Variants in ELP1 observed in about 807,000 individuals in gnomAD.
ELP1 encodes elongator complex protein 1.
A neutral mutation model predicts 183.2 loss-of-function variants in ELP1; 131 were observed. The ratio of observed to expected loss-of-function variants is 0.72; its 90% CI spans 0.62 to 0.83. The LOEUF (loss-of-function observed/expected upper bound fraction) is 0.83. Ranked by LOEUF, ELP1 falls within the 40% of genes least tolerant of loss-of-function variation. ELP1 has a pLI of 0.00. For synonymous variants in ELP1, 555 were observed against 569.0 expected, an observed-to-expected ratio of 0.98 and a Z score of 0.35; for missense variants, 1,550 against 1,594.9, an observed-to-expected ratio of 0.97 and a Z score of 0.48.
chr9:108,872,804 GAAAAAAAAAAAAAAAAAA>G (rs58139943), intron 36 of ELP1, among the ~76,000 whole-genome samples: 29,697 of 84,012 alleles, frequency 0.35, 4,610 homozygotes, highest in Admixed American at 0.43. Context: ...GACTCTGTCT[GAAAAAAAAAAAAAAAAAA>G]AAAAAAAAAA....
At position 108,919,260 on chromosome 9, in the gene ELP1, T is replaced by C; in HGVS notation, c.642A>G (p.Pro214=). The C allele has an allele frequency of 6.2e-7, 1 of 1,611,430 alleles. No individual in the cohort carries two copies. The highest frequency in any genetic ancestry group is 8.5e-7 in the Non-Finnish European group (1 of 1,177,638). Residue 214 remains proline (P), a synonymous_variant, in exon 7 of 37, where the codon CCA becomes CCG. Coordinates refer to ENST00000374647, the MANE Select transcript of ELP1 (RefSeq NM_003640.5). ...GQFFAVSVVC[P]ETGARKVRVW... ...TGCAATATATTTCCATACCTGTTTCTGGGCAAACAACACTCACAGCAAAAA... is the reference window on the plus strand; with the variant it reads ...TGCAATATATTTCCATACCTGTTTCCGGGCAAACAACACTCACAGCAAAAA...
chr9:108,912,953 G>A (rs993185271), intron 10 of ELP1, among the ~76,000 whole-genome samples: 12 of 150,904 alleles, frequency 8.0e-5, no homozygotes, highest in Admixed American at 7.3e-4. Flanking sequence ...GTAGAAACAT[G>A]GTTTCACCGT....
chr9:108,882,222 G>T (rs1220316599), intron 29 of ELP1, 35 bp from the exon 30 acceptor site: 42 of 1,592,226 alleles, frequency 2.6e-5, no homozygotes, highest in African/African-American at 4.0e-5. Context: ...AACAAGTGAA[G>T]AGAGCATGTC....
chr9:108,930,889 G>T lies in ELP1; in HGVS notation c.150+108C>A, dbSNP rs1315416967. On this transcript the variant is annotated intron_variant, in intron 2 of 36. Coordinates refer to ENST00000374647, the MANE Select transcript of ELP1 (RefSeq NM_003640.5). Reference sequence around the variant, plus strand: ...GAAGCAAAAGATGTTTATTTGGGAGGATATAAATTCAATAAGATATAAAGA... The same window carrying T: ...GAAGCAAAAGATGTTTATTTGGGAGTATATAAATTCAATAAGATATAAAGA... 6.9e-6 allele frequency: 7 copies of T among 1,015,540 alleles called. No homozygotes were observed. The African/African-American group carries it at 9.5e-5, about 14-fold the overall frequency. The allele number at this position is 1,015,540 out of a possible 1,614,324, so 62.9% of individuals were successfully genotyped here.
At chr9:108,917,036 A>C (rs1359876490) in intron 9 of ELP1, among the ~76,000 whole-genome samples, 16 of 152,264 alleles carry the variant, frequency 1.1e-4, no homozygotes, top group Non-Finnish European at 1.5e-5. Flanking sequence ...GTTTTATCTA[A>C]GGTGGGGGAC....
chr9:108,903,067 T>A lies in ELP1; in HGVS notation c.1751-125A>T. On this transcript the variant is annotated intron_variant, in intron 15 of 36. Coordinates refer to ENST00000374647, the MANE Select transcript of ELP1 (RefSeq NM_003640.5). ...TCACTTTTTTTCTCTAATGCTGGCA[T>A]TATTTATTTATATATATATTTTTAT... 9 of 601,076 alleles carry A rather than the reference T, an allele frequency of 1.5e-5. No homozygotes were observed. The South Asian group carries it at 1.9e-4, about 12-fold the overall frequency. 37.2% of individuals were successfully genotyped at this position (601,076 alleles called of 1,614,324 possible).
chr9:108,906,253 A>G, intron 14 of ELP1, 50 bp downstream of exon 14: 1 of 1,588,142 alleles, frequency 6.3e-7, no homozygotes, highest in Non-Finnish European at 8.6e-7. Flanking sequence ...AAAGACAAAA[A>G]CCTAACTCCA....
rs1477728054 is a variant in ELP1 at position 108,897,276 on chromosome 9, A to G, written c.2373T>C (p.Asp791=). The G allele has an allele frequency of 2.5e-6, 4 of 1,614,028 alleles. No homozygotes were observed. Among genetic ancestry groups the G allele is most frequent in the Non-Finnish European group, 3.4e-6 (4 of 1,180,036 alleles). Residue 791 remains aspartate, a synonymous_variant, in exon 23 of 37, where the codon GAT becomes GAC. Transcript: ENST00000374647. ...NLFFTELKEE[D]VTKTMYPAPV... ...GTGCAGGGTACATGGTCTTCGTGAC[A>G]TCTTCTTCTCTAAGAACAGGTGTGT... is the stretch of plus-strand genomic sequence containing the variant.
Position 108,894,051 on chromosome 9 carries a change from G to T in ELP1, c.2752C>A (p.Leu918Ile). 1.3e-6 allele frequency: 2 copies of T among 1,509,214 alleles called. No individual in the cohort carries two copies. Among genetic ancestry groups the T allele is most frequent in the Non-Finnish European group, 1.8e-6 (2 of 1,087,110 alleles). The allele number at this position is 1,509,214 out of a possible 1,614,324, so 93.5% of individuals were successfully genotyped here. ...TTCTTAAGTGTATTAAGAAATGGAA[G>T]ATATTCTTTGGGATCCTAAAAAAAT... ...EKSQKDPKEY[L>I]PFLNTLKKME... The change falls in exon 26 of 37, where the codon CTT becomes ATT. Residue 918 changes from leucine to isoleucine, a missense_variant. Leu to Ile is a conservative substitution (Grantham distance 5). Coordinates refer to ENST00000374647, the MANE Select transcript of ELP1 (RefSeq NM_003640.5).
chr9:108,887,803 C>T (rs1238945703), intron 29 of ELP1, among the ~76,000 whole-genome samples: 1 of 152,046 alleles, frequency 6.6e-6, no homozygotes, highest in Non-Finnish European at 1.5e-5. Flanking sequence ...AGTAATACAC[C>T]CAGTGTTGGT....
intron 35 of ELP1, among the ~76,000 whole-genome samples, chr9:108,877,533 A>G (rs1184660994): frequency 6.6e-6 from 1 of 152,232 alleles, no homozygotes; most frequent in Non-Finnish European, 1.5e-5. Context: ...TTCAGCCTTA[A>G]ACACAACCCG....
rs1373609995 is a variant in ELP1, at chr9:108,896,902, T to C, written c.2587+51A>G. The C allele has an allele frequency of 4.8e-6, 7 of 1,453,468 alleles. No homozygotes were observed. The East Asian group carries it at 9.1e-5, about 19-fold the overall frequency. The allele number at this position is 1,453,468 out of a possible 1,614,324, so 90.0% of individuals were successfully genotyped here. On this transcript the variant is annotated intron_variant, in intron 24 of 36. Coordinates refer to ENST00000374647, the MANE Select transcript of ELP1 (RefSeq NM_003640.5). The stretch of plus-strand genomic sequence containing the variant: ...ATGGTGATTGTCACCTGCAGAAGAC[T>C]AGTAGCAGTCACGGCCACCTTAAGC...
chr9:108,906,109 C>A (rs1405332184), intron 14 of ELP1, among the ~76,000 whole-genome samples, 194 bp downstream of exon 14: 2 of 152,172 alleles, frequency 1.3e-5, no homozygotes, highest in African/African-American at 4.8e-5. Flanking sequence ...TTTTTCACCA[C>A]TTTTTGATAT....
At chr9:108,904,841 G>A (rs1828958950) in intron 14 of ELP1, among the ~76,000 whole-genome samples, 1 of 152,222 alleles carries the variant, frequency 6.6e-6, no homozygotes, top group Non-Finnish European at 1.5e-5. Flanking sequence ...GAGGGACTTT[G>A]TAGTCCTCAA....
At chr9:108,869,293 A>T (rs1827347968) in intron 36 of ELP1, 111 bp from the exon 37 acceptor site, 2 of 897,180 alleles carry the variant, frequency 2.2e-6, no homozygotes, top group Middle Eastern at 2.1e-4. Context: ...CAGCAATAAG[A>T]CCATCAGAGC....
intron 36 of ELP1, among the ~76,000 whole-genome samples, chr9:108,872,961 T>A (rs1160568942): frequency 1.3e-5 from 2 of 152,166 alleles, no homozygotes; most frequent in African/African-American, 4.8e-5. Flanking sequence ...AAGAAAGTAA[T>A]TATTCTGACA....
At chr9:108,904,082 T>C (rs527598095) in intron 14 of ELP1, among the ~76,000 whole-genome samples, 2 of 152,312 alleles carry the variant, frequency 1.3e-5, no homozygotes, top group South Asian at 2.1e-4. Context: ...CTGCTTAAAA[T>C]AGTTAAAGCA....
At chr9:108,926,984 AG>A (rs1829842628) in intron 4 of ELP1, among the ~76,000 whole-genome samples, 1 of 152,214 alleles carries the variant, frequency 6.6e-6, no homozygotes, top group African/African-American at 2.4e-5. Context: ...GAACCCAAGA[AG>A]GGCTTTTAGA....
chr9:108,898,440 T>A, intron 22 of ELP1, 62 bp downstream of exon 22: 2 of 1,096,200 alleles, frequency 1.8e-6, no homozygotes, highest in Non-Finnish European at 2.7e-6. Context: ...TATGCTTGAT[T>A]TCCTTAACAA....
Sources: allele counts gnomAD v4.1 joint callset (sites outside exome capture counted in the v4.1 genomes callset), GRCh38; gene constraint gnomAD v4.1.1; transcripts MANE v1.5; gene names NCBI Gene and HGNC (gene_info 2026-07-23, HGNC 2026-07-21).